The following NEDD4 variants were observed in gnomAD, a reference collection of about 807,000 sequenced individuals.
NEDD4 encodes E3 ubiquitin-protein ligase NEDD4.
Under a neutral mutation model 144.9 loss-of-function variants are expected in NEDD4, and 99 were observed. The observed-to-expected ratio is 0.68, with a 90% CI of 0.58 to 0.81. The LOEUF (loss-of-function observed/expected upper bound fraction) is 0.81, where lower values mean the gene tolerates loss of function less well. NEDD4 is among the 30% of genes least tolerant of loss of function. The pLI, the probability that NEDD4 is intolerant of heterozygous loss-of-function variation, is 0.00. For missense variants in NEDD4, 985 were observed against 1,065.9 expected, an observed-to-expected ratio of 0.92 and a Z score of 1.06; for synonymous variants, 318 against 350.6, an observed-to-expected ratio of 0.91 and a Z score of 1.04.
At chr15:55,940,577 G>C (rs2036983318) in intron 4 of NEDD4, among the ~76,000 whole-genome samples, 1 of 138,990 alleles carries the variant, frequency 7.2e-6, no homozygotes, top group Admixed American at 7.6e-5. Flanking sequence ...TCTTTCTTTT[G>C]GGACTGTCTC....
intron 5 of NEDD4, among the ~76,000 whole-genome samples, chr15:55,914,214 A>G (rs2036361962): frequency 6.8e-6 from 1 of 147,340 alleles, no homozygotes; most frequent in Non-Finnish European, 1.5e-5. Context: ...TTTTTTTTAA[A>G]ACAATCTTTA....
chr15:55,947,954 C>T (rs1354937138), intron 4 of NEDD4, among the ~76,000 whole-genome samples: 1 of 152,002 alleles, frequency 6.6e-6, no homozygotes, highest in Non-Finnish European at 1.5e-5. Flanking sequence ...CTGGCCAGGG[C>T]AATCAGGCAG....
chr15:55,869,570 A>C lies in NEDD4; in HGVS notation c.507+9T>G, dbSNP rs1445720563. 1 of 1,525,732 alleles carries C rather than the reference A, an allele frequency of 6.6e-7. No individual in the cohort carries two copies. The highest frequency in any genetic ancestry group is 8.9e-7 in the Non-Finnish European group (1 of 1,127,032). The allele number at this position is 1,525,732 out of a possible 1,614,324, so 94.5% of individuals were successfully genotyped here. On this transcript the variant is annotated intron_variant, in intron 8 of 28. Transcript: ENST00000435532. Reference sequence around the variant, plus strand: ...TTTTTAGTTTAACCAAATATTTATAAAATCTCACCTCTAATTCCTCAGCCT... The same window carrying C: ...TTTTTAGTTTAACCAAATATTTATACAATCTCACCTCTAATTCCTCAGCCT...
At chr15:55,991,436 G>A (rs2037986996) in intron 1 of NEDD4, among the ~76,000 whole-genome samples, 1 of 152,242 alleles carries the variant, frequency 6.6e-6, no homozygotes, top group Non-Finnish European at 1.5e-5. Flanking sequence ...GTCCGAGGCT[G>A]AGACTGTCTT....
At chr15:55,954,072 T>C (rs2037293939) in intron 2 of NEDD4, among the ~76,000 whole-genome samples, 1 of 151,788 alleles carries the variant, frequency 6.6e-6, no homozygotes, top group Non-Finnish European at 1.5e-5. Flanking sequence ...CTGGTTTCTG[T>C]CTCTTCCCTT....
At chr15:55,883,821 C>G (rs1595794480) in intron 5 of NEDD4, among the ~76,000 whole-genome samples, 1 of 151,610 alleles carries the variant, frequency 6.6e-6, no homozygotes, top group South Asian at 2.1e-4. Context: ...GAACAAGAGT[C>G]TCTGCCTGGT....
chr15:55,925,152 G>T (rs560536378), intron 4 of NEDD4, among the ~76,000 whole-genome samples: 1 of 152,204 alleles, frequency 6.6e-6, no homozygotes, highest in African/African-American at 2.4e-5. Flanking sequence ...AAAATTACAT[G>T]AAATAAGAGC....
intron 5 of NEDD4, among the ~76,000 whole-genome samples, chr15:55,898,354 A>G (rs2035803548): frequency 1.3e-5 from 2 of 152,196 alleles, no homozygotes; most frequent in East Asian, 1.9e-4. Flanking sequence ...AATTTTTTCT[A>G]TGTATTAAAC....
intron 17 of NEDD4, among the ~76,000 whole-genome samples, chr15:55,848,099 G>C (rs1188190306): frequency 6.6e-6 from 1 of 152,224 alleles, no homozygotes; most frequent in African/African-American, 2.4e-5. Flanking sequence ...CAGACAGTGG[G>C]AGGCACCAGC....
At chr15:55,915,744 T>C in intron 5 of NEDD4, 2 of 1,613,926 alleles carry the variant, frequency 1.2e-6, no homozygotes, top group Non-Finnish European at 1.7e-6. Flanking sequence ...ACAGACAGTC[T>C]GTCTGGGAGT....
At chr15:55,918,553 G>A in intron 5 of NEDD4, among the ~76,000 whole-genome samples, 1 of 149,898 alleles carries the variant, frequency 6.7e-6, no homozygotes. Flanking sequence ...CTAAGTAAAA[G>A]CAAATATGTA....
At chr15:55,943,530 G>A (rs142722029) in intron 4 of NEDD4, among the ~76,000 whole-genome samples, 22 of 152,326 alleles carry the variant, frequency 1.4e-4, no homozygotes, top group South Asian at 6.2e-4. Context: ...GGTTCAAACC[G>A]TAAGTCTTGG....
chr15:55,915,834 C>A, intron 5 of NEDD4: 1 of 1,613,874 alleles, frequency 6.2e-7, no homozygotes, highest in Non-Finnish European at 8.5e-7. Context: ...TCCGGGGGTA[C>A]AAATTGTTTT....
intron 7 of NEDD4, among the ~76,000 whole-genome samples, chr15:55,870,598 A>G (rs1359773499): frequency 1.3e-5 from 2 of 149,660 alleles, no homozygotes; most frequent in East Asian, 3.9e-4. Context: ...CAGTGGCTCA[A>G]TTACGGTTCA....
At chr15:55,959,264 T>A (rs1162836926) in intron 2 of NEDD4, among the ~76,000 whole-genome samples, 1 of 152,240 alleles carries the variant, frequency 6.6e-6, no homozygotes, top group African/African-American at 2.4e-5. Context: ...GACATATAGA[T>A]TATTTAGAAG....
chr15:55,989,729 GAAGA>G (rs1361567572), intron 1 of NEDD4, among the ~76,000 whole-genome samples: 2 of 152,168 alleles, frequency 1.3e-5, no homozygotes, highest in African/African-American at 4.8e-5. Flanking sequence ...GATGCTTTAA[GAAGA>G]AAGAAGCTAA....
chr15:55,992,320 G>A (rs1010615325), intron 1 of NEDD4, among the ~76,000 whole-genome samples: 1 of 152,138 alleles, frequency 6.6e-6, no homozygotes, highest in African/African-American at 2.4e-5. Flanking sequence ...ATCGCATCAC[G>A]TAAGCATTCT....
At chr15:55,965,637 C>G (rs977413168) in intron 2 of NEDD4, among the ~76,000 whole-genome samples, 3 of 150,602 alleles carry the variant, frequency 2.0e-5, no homozygotes, top group Non-Finnish European at 3.0e-5. Context: ...TCCACAACAA[C>G]TTACTAATAC....
At position 55,979,162 on chromosome 15, in the gene NEDD4, G is replaced by A. The variant is rs192462118; in HGVS notation, c.46-12616C>T. On this transcript the variant is annotated intron_variant, in intron 1 of 28. Coordinates refer to ENST00000435532, the MANE Select transcript of NEDD4 (RefSeq NM_006154.4). ...ACTATTAAAATCCTATATCATCTAG[G>A]CAGAATCCTTTGAAGCCATTCAAAA... Among the ~76,000 whole-genome samples the A allele has an allele frequency of 3.7e-4, 56 of 151,304 alleles. 1 individual carries two copies. The East Asian group carries it at 7.9e-3, about 21-fold the overall frequency.
Sources: allele counts gnomAD v4.1 joint callset (sites outside exome capture counted in the v4.1 genomes callset), GRCh38; gene constraint gnomAD v4.1.1; transcripts MANE v1.5; gene names NCBI Gene and HGNC (gene_info 2026-07-23, HGNC 2026-07-21).